Variants in RNASE9 observed in about 807,000 individuals in gnomAD.
The protein encoded by RNASE9 is ribonuclease A family member 9 (inactive).
For missense variants in RNASE9, 263 were observed against 247.1 expected (o/e 1.06, Z -0.43); for synonymous variants, 95 against 87.6 (o/e 1.08, Z -0.47).
chr14:20,556,720 T>C (rs1883709124), exon 3 of RNASE9: 1 of 1,613,810 alleles, frequency 6.2e-7, no homozygotes, highest in African/African-American at 1.3e-5. Context: ...AAATCTGTTG[T>C]AACAGATTTT....
exon 3 of RNASE9, chr14:20,557,039 G>A: frequency 6.2e-7 from 1 of 1,612,326 alleles, no homozygotes; most frequent in Non-Finnish European, 8.5e-7. Context: ...AGCAGGGGCA[G>A]TGGGTGTGTG....
chr14:20,560,353 A>C (rs1332741305), intron 1 of RNASE9: 1 of 152,096 alleles, frequency 6.6e-6, no homozygotes, highest in Non-Finnish European at 1.5e-5. Flanking sequence ...AATGCTGATA[A>C]GAGTGTGATG....
exon 3 of RNASE9, chr14:20,557,476 C>T (rs1461953279): frequency 1.2e-5 from 2 of 169,124 alleles, no homozygotes; most frequent in African/African-American, 2.4e-5. Flanking sequence ...CTCCTTTCGT[C>T]TGAAATAAAT....
At chr14:20,556,833 A>G (rs937509350) in exon 3 of RNASE9, 3 of 1,614,144 alleles carry the variant, frequency 1.9e-6, no homozygotes, top group Non-Finnish European at 1.7e-6. Flanking sequence ...AGTACTCTAT[A>G]TGATTTAGTG....
Position 20,557,506 on chromosome 14 carries a change from G to A in RNASE9, c.-437C>T, listed in dbSNP as rs184397292. On this transcript the variant is annotated 5_prime_UTR_variant, in exon 3 of 3. Transcript: ENST00000555230. ...ATAAATGCATCTTTTCCCTTTCCAG[G>A]AGTTGAGAACTTGCTCTGAAAAGAG... The A allele has an allele frequency of 7.6e-5, 12 of 158,062 alleles. No individual in the cohort carries two copies. The East Asian group carries it at 2.3e-3, about 30-fold the overall frequency. 9.8% of individuals were successfully genotyped at this position (158,062 alleles called of 1,614,324 possible). A position where few individuals can be genotyped will look rare whatever the true frequency, so the allele number is the denominator to read the frequency against.
chr14:20,558,397 A>G, exon 3 of RNASE9: 1 of 699,142 alleles, frequency 1.4e-6, no homozygotes, highest in Non-Finnish European at 2.7e-6. Context: ...TAGAGACAGG[A>G]AAGTTGAGCA....
rs945667763 is a variant in RNASE9, at chr14:20,558,402, T to G, written c.-1333A>C. The G allele has an allele frequency of 8.5e-6, 6 of 702,834 alleles. No homozygotes were observed. In the African/African-American group the frequency reaches 1.1e-4, roughly 12 times the overall value. The allele number at this position is 702,834 out of a possible 1,614,324, so 43.5% of individuals were successfully genotyped here. A position where few individuals can be genotyped will look rare whatever the true frequency, so the allele number is the denominator to read the frequency against. On this transcript the variant is annotated 5_prime_UTR_variant, in exon 3 of 3. Coordinates refer to ENST00000555230, the Ensembl canonical transcript of RNASE9. Reference sequence around the variant, plus strand: ...CATCAGAAAGTAGAGACAGGAAAGTTGAGCATAGGAGTGCAGAGAATGGGA... The same window carrying G: ...CATCAGAAAGTAGAGACAGGAAAGTGGAGCATAGGAGTGCAGAGAATGGGA...
chr14:20,556,482 A>T, exon 3 of RNASE9: 3 of 1,612,668 alleles, frequency 1.9e-6, no homozygotes, highest in South Asian at 1.1e-5. Flanking sequence ...CACCATCCTC[A>T]CTGAGGAAAC....
At chr14:20,556,433 G>C (rs1341670715) in exon 3 of RNASE9, 1 of 1,537,236 alleles carries the variant, frequency 6.5e-7, no homozygotes, top group Non-Finnish European at 9.0e-7. Flanking sequence ...CCCACCCTAA[G>C]CTCTCAGAGA....
At chr14:20,558,723 C>A in intron 2 of RNASE9, 1 of 773,654 alleles carries the variant, frequency 1.3e-6, no homozygotes, top group Non-Finnish European at 2.3e-6. Flanking sequence ...TTTCTACTTC[C>A]CGAGAACATG....
exon 3 of RNASE9, chr14:20,557,240 A>G (rs1733159569): frequency 1.5e-6 from 1 of 669,408 alleles, no homozygotes; most frequent in Admixed American, 3.1e-5. Flanking sequence ...CTTCTAAATT[A>G]TTGACAAAAA....
exon 3 of RNASE9, chr14:20,556,613 A>C: frequency 7.4e-6 from 12 of 1,613,754 alleles, no homozygotes; most frequent in Non-Finnish European, 1.0e-5. Flanking sequence ...TCGTATTTAC[A>C]CGCTGGTATT....
chr14:20,556,986 C>T, exon 3 of RNASE9: 1 of 1,614,060 alleles, frequency 6.2e-7, no homozygotes, highest in Non-Finnish European at 8.5e-7. Context: ...CTGTATCCAC[C>T]TCTTGAAACT....
chr14:20,556,532 G>C, exon 3 of RNASE9: 1 of 1,613,694 alleles, frequency 6.2e-7, no homozygotes, highest in South Asian at 1.1e-5. Flanking sequence ...TTTATAGTAT[G>C]AGGAATACGT....
chr14:20,560,054 T>C (rs1488640404), intron 1 of RNASE9, among the ~76,000 whole-genome samples: 1 of 152,124 alleles, frequency 6.6e-6, no homozygotes, highest in Non-Finnish European at 1.5e-5. Flanking sequence ...ATAAGAAGTT[T>C]ATAGTAAAAA....
chr14:20,558,489 G>T, exon 3 of RNASE9: 1 of 1,327,906 alleles, frequency 7.5e-7, no homozygotes, highest in Non-Finnish European at 1.1e-6. Context: ...GCGGCCATGT[G>T]CCACACTGTC....
chr14:20,560,156 T>A (rs1883896869), intron 1 of RNASE9, among the ~76,000 whole-genome samples: 1 of 152,178 alleles, frequency 6.6e-6, no homozygotes, highest in Non-Finnish European at 1.5e-5. Context: ...AATTTAAGTT[T>A]AAGATTAAAA....
At chr14:20,558,643 A>G in exon 3 of RNASE9, 2 of 1,491,430 alleles carry the variant, frequency 1.3e-6, no homozygotes, top group South Asian at 2.4e-5. Context: ...CCTCTGCAAC[A>G]TCTTGATCTG....
exon 3 of RNASE9, chr14:20,557,180 C>T (rs1883740178): frequency 1.7e-6 from 2 of 1,212,104 alleles, no homozygotes; most frequent in Non-Finnish European, 2.3e-6. Context: ...GTTCTGGGCT[C>T]TAAGATTTTG....
Sources: allele counts gnomAD v4.1 joint callset (sites outside exome capture counted in the v4.1 genomes callset), GRCh38; gene constraint gnomAD v4.1.1; transcripts MANE v1.5; gene names NCBI Gene and HGNC (gene_info 2026-07-23, HGNC 2026-07-21).